SCNN1A: variants seen among roughly 807,000 people sequenced by gnomAD.
SCNN1A encodes sodium channel epithelial 1 subunit alpha.
In SCNN1A, 65 loss-of-function variants were observed where a neutral mutation model predicts 68.6. The ratio of observed to expected loss-of-function variants is 0.95; its 90% CI spans 0.78 to 1.16. The LOEUF (loss-of-function observed/expected upper bound fraction) is 1.16. SCNN1A is among the 50% of genes most tolerant of loss of function. SCNN1A has a pLI of 0.00. For synonymous variants in SCNN1A, 357 were observed against 353.3 expected, an observed-to-expected ratio of 1.01 and a Z score of -0.12; for missense variants, 880 against 865.9, an observed-to-expected ratio of 1.02 and a Z score of -0.20.
At chr12:6,377,139 C>T (rs1948925924), upstream of SCNN1A, 1 of 795,080 alleles carries the variant, frequency 1.3e-6, no homozygotes, top group East Asian at 2.8e-5. Context: ...GGCAGTACTC[C>T]AGGCTCAGGG....
chr12:6,360,838 T>C lies in SCNN1A; in HGVS notation c.875+1213A>G, dbSNP rs139424706. ...CAGAGAACCTGCAGCTGCTATGAGC[T>C]GCTTGCAAGGACATTATAACAGGGG... On this transcript the variant is annotated intron_variant, in intron 4 of 12. Coordinates refer to ENST00000228916, the MANE Select transcript of SCNN1A (RefSeq NM_001038.6). Among the ~76,000 whole-genome samples, 144 of 152,304 alleles carry C rather than the reference T, an allele frequency of 9.5e-4. No individual in the cohort carries two copies. In the East Asian group the frequency reaches 0.027, roughly 28 times the overall value.
intron 2 of SCNN1A, among the ~76,000 whole-genome samples, chr12:6,369,273 G>GCCTCCCTCCTGCCACCCTGCTCA (rs1948735842): frequency 1.6e-5 from 2 of 125,594 alleles, no homozygotes; most frequent in African/African-American, 6.3e-5. Flanking sequence ...CACCCTACAC[G>GCCTCCCTCCTGCCACCCTGCTCA]CCTCCCTCCT....
In SCNN1A at chr12:6,352,865, G is replaced by T. The variant is rs556549737; in HGVS notation, c.1360+1573C>A. ...GGTAGGGATGGACGCTGAACTCTGG[G>T]GTGAGACAATCCGCTGCCTTTGAGG... is the stretch of plus-strand genomic sequence containing the variant. On this transcript the variant is annotated intron_variant, in intron 8 of 12. Transcript: ENST00000228916. 4.3e-4 allele frequency among the ~76,000 whole-genome samples: 66 copies of T among 152,346 alleles called. No homozygotes were observed. The South Asian group carries it at 5.6e-3, about 13-fold the overall frequency.
chr12:6,350,389 G>A (rs1592061320), intron 8 of SCNN1A, among the ~76,000 whole-genome samples: 2 of 149,086 alleles, frequency 1.3e-5, no homozygotes, highest in East Asian at 2.0e-4. Context: ...CCGAGATCGC[G>A]CCATTGCACA....
chr12:6,353,449 C>T (rs1417367841), intron 8 of SCNN1A, among the ~76,000 whole-genome samples: 1 of 152,030 alleles, frequency 6.6e-6, no homozygotes, highest in Non-Finnish European at 1.5e-5. Context: ...AGCTAAGCGC[C>T]CTGGGCACTG....
rs1269069111 is a variant in SCNN1A at position 6,374,759 on chromosome 12, GCTC to G, written c.22_24del (p.Glu8del). ...GTGGACTGTGGAGGGCTAGAGTCCT[GCTC>G]CTCCAGCTTGTTCCCCTCCATGAGA... On this transcript the variant is annotated inframe_deletion, in exon 2 of 13. Transcript: ENST00000228916. This position sits in a 1 kb window ranked among gnomAD's most constrained non-coding sequence, Gnocchi z 6.2. 1 of 1,614,082 alleles carries G rather than the reference GCTC, an allele frequency of 6.2e-7. No homozygotes were observed. Among genetic ancestry groups the G allele is most frequent in the South Asian group, 1.1e-5 (1 of 91,084 alleles).
chr12:6,375,605 CG>C (rs1565489488), upstream of SCNN1A: 3 of 1,473,878 alleles, frequency 2.0e-6, no homozygotes, highest in African/African-American at 1.4e-5. Context: ...GTGAGCAGGG[CG>C]GGGGGAGGGG....
intron 3 of SCNN1A, 132 bp downstream of exon 3, chr12:6,363,311 C>T (rs375885536): frequency 6.3e-6 from 4 of 630,866 alleles, no homozygotes; most frequent in Non-Finnish European, 2.5e-6. Context: ...TTTTTTTGCC[C>T]GCGAGCCCAC....
chr12:6,358,780 A>G (rs1948536956), intron 4 of SCNN1A, among the ~76,000 whole-genome samples: 1 of 151,112 alleles, frequency 6.6e-6, no homozygotes, highest in African/African-American at 2.4e-5. Context: ...GGATCGTTTC[A>G]GCCCAGGAAA....
chr12:6,359,555 A>G (rs1948549200), intron 4 of SCNN1A, among the ~76,000 whole-genome samples: 1 of 152,080 alleles, frequency 6.6e-6, no homozygotes, highest in Non-Finnish European at 1.5e-5. Flanking sequence ...GAATCCTCAC[A>G]CTATTAATTA....
Position 6,362,156 on chromosome 12 carries a change from A to T in SCNN1A, c.770T>A (p.Ile257Asn). ...CTCTGGCAGCCTCGACAGGATGTTG[A>T]TGTAGTGGAAGCGGTACCACTCCCT... ...AVREWYRFHY[I>N]NILSRLPETL... The change falls in exon 4 of 13, where the codon ATC (isoleucine) becomes AAC (asparagine). Residue 257 changes from isoleucine to asparagine, a missense_variant. By Grantham distance (149) the Ile-to-Asn change is moderately radical. Transcript: ENST00000228916. 2 of 1,614,186 alleles carry T rather than the reference A, an allele frequency of 1.2e-6. No homozygotes were observed. Among genetic ancestry groups the T allele is most frequent in the East Asian group, 2.2e-5 (1 of 44,878 alleles).
Position 6,354,542 on chromosome 12 carries a change from G to T in SCNN1A, c.1256C>A (p.Ser419Tyr). The stretch of plus-strand genomic sequence containing the variant: ...CTTGATCATGCTCTCCTGGAAGCAG[G>T]AGTGAATACACACCTGGAAGGGAGG... Reference protein sequence around the residue: ...SKYTQQVCIHSCFQESMIKEC... With the variant: ...SKYTQQVCIHYCFQESMIKEC... Residue 419 changes from serine (S) to tyrosine (Y), a missense_variant, in exon 8 of 13, where the codon TCC (serine) becomes TAC (tyrosine). By Grantham distance (144) the Ser-to-Tyr change is moderately radical. Coordinates refer to ENST00000228916, the MANE Select transcript of SCNN1A (RefSeq NM_001038.6). 1 of 1,613,298 alleles carries T rather than the reference G, an allele frequency of 6.2e-7. No homozygotes were observed. Among genetic ancestry groups the T allele is most frequent in the South Asian group, 1.1e-5 (1 of 91,044 alleles).
intron 4 of SCNN1A, 131 bp downstream of exon 4, chr12:6,361,920 C>G (rs1271448475): frequency 1.0e-6 from 1 of 991,456 alleles, no homozygotes; most frequent in African/African-American, 1.6e-5. Flanking sequence ...GCCAGTGCTT[C>G]CCCCTGGCCT....
chr12:6,362,364 G>A, intron 3 of SCNN1A, 123 bp from the exon 4 acceptor site: 1 of 860,538 alleles, frequency 1.2e-6, no homozygotes, highest in Non-Finnish European at 2.0e-6. Flanking sequence ...CGGAAGCCAG[G>A]AGTGGGGAAA....
chr12:6,371,509 CCA>C (rs1418605257), intron 2 of SCNN1A, among the ~76,000 whole-genome samples: 3 of 121,328 alleles, frequency 2.5e-5, no homozygotes, highest in Non-Finnish European at 5.1e-5. Flanking sequence ...CCCTGGCTTT[CCA>C]TTGGAGCGTG....
intron 2 of SCNN1A, among the ~76,000 whole-genome samples, chr12:6,368,231 T>G (rs556362029): frequency 6.6e-6 from 1 of 152,186 alleles, no homozygotes; most frequent in Non-Finnish European, 1.5e-5. Flanking sequence ...CCAGAATAGA[T>G]TCACAGTGAC....
chr12:6,350,737 T>C (rs1424144696), intron 8 of SCNN1A, among the ~76,000 whole-genome samples: 1 of 152,104 alleles, frequency 6.6e-6, no homozygotes, highest in East Asian at 1.9e-4. Flanking sequence ...CTTGGGAGGC[T>C]GAGGCAGGAT....
chr12:6,355,508 C>A (rs1948481923), intron 5 of SCNN1A, 73 bp from the exon 6 acceptor site: 1 of 1,540,084 alleles, frequency 6.5e-7, no homozygotes, highest in East Asian at 2.3e-5. Context: ...GAAATCCACT[C>A]TCCCTTCCTT....
At chr12:6,356,979 G>A (rs564938402) in intron 4 of SCNN1A, among the ~76,000 whole-genome samples, 26 of 152,316 alleles carry the variant, frequency 1.7e-4, no homozygotes, top group African/African-American at 5.8e-4. Context: ...TCTGTAAAAT[G>A]AGGAGATTGG....
Sources: allele counts gnomAD v4.1 joint callset (sites outside exome capture counted in the v4.1 genomes callset), GRCh38; gene constraint gnomAD v4.1.1; non-coding constraint Gnocchi (gnomAD v3.1); transcripts MANE v1.5; gene names NCBI Gene and HGNC (gene_info 2026-07-23, HGNC 2026-07-21).